The following RSPH14 variants were observed in gnomAD, a reference collection of about 807,000 sequenced individuals.
RSPH14 encodes radial spoke head 14 homolog, also known as rhabdoid tumor deletion region gene 1.
Under a neutral mutation model 26.7 loss-of-function variants are expected in RSPH14, and 20 were observed. The ratio of observed to expected loss-of-function variants is 0.75; its 90% CI spans 0.53 to 1.09. The LOEUF is 1.09. Among genes scored for constraint, RSPH14 ranks in the 50% least tolerant of loss-of-function variants. The probability of loss-of-function intolerance (pLI) is 0.00; values close to 1 mark genes in which losing one functional copy is unlikely to be tolerated. For synonymous variants in RSPH14, 177 were observed against 189.3 expected (o/e 0.93, Z 0.53); for missense variants, 449 against 457.2 (o/e 0.98, Z 0.16).
chr22:23,115,505 G>A (rs1209718703), intron 4 of RSPH14, among the ~76,000 whole-genome samples: 1 of 152,136 alleles, frequency 6.6e-6, no homozygotes, highest in Non-Finnish European at 1.5e-5. Context: ...AGTGCGTCTG[G>A]CCTCCTGGAG....
intron 4 of RSPH14, among the ~76,000 whole-genome samples, chr22:23,064,348 C>T (rs1405052837): frequency 6.6e-6 from 1 of 152,204 alleles, no homozygotes; most frequent in African/African-American, 2.4e-5. Flanking sequence ...GGGCTAAGGG[C>T]GGAGGCTCAG....
chr22:23,082,908 C>G (rs902674186), intron 4 of RSPH14, among the ~76,000 whole-genome samples: 14 of 152,152 alleles, frequency 9.2e-5, no homozygotes, highest in African/African-American at 3.4e-4. Context: ...CCCCCCAAAC[C>G]TTGCCCCCAG....
chr22:23,141,517 C>T (rs1259596596), intron 1 of RSPH14, among the ~76,000 whole-genome samples: 1 of 152,162 alleles, frequency 6.6e-6, no homozygotes, highest in Non-Finnish European at 1.5e-5. Flanking sequence ...ACAGTACCTC[C>T]TTCCCTGCCT....
At chr22:23,093,557 T>C (rs887772814) in intron 4 of RSPH14, among the ~76,000 whole-genome samples, 49 of 152,258 alleles carry the variant, frequency 3.2e-4, no homozygotes, top group African/African-American at 1.2e-3. Flanking sequence ...AAGGTGACGC[T>C]CACAGCGACA....
intron 4 of RSPH14, among the ~76,000 whole-genome samples, chr22:23,068,963 G>A (rs1351331410): frequency 2.6e-5 from 4 of 152,228 alleles, no homozygotes; most frequent in Admixed American, 1.3e-4. Flanking sequence ...GACACCTCCA[G>A]TGAGCACTAA....
chr22:23,123,531 G>A (rs2070091582), intron 4 of RSPH14: 3 of 720,990 alleles, frequency 4.2e-6, no homozygotes, highest in Admixed American at 2.7e-5. Flanking sequence ...AAAACAGGGG[G>A]CCTAAAGAAT....
chr22:23,142,006 T>C, upstream of RSPH14: 1 of 985,494 alleles, frequency 1.0e-6, no homozygotes, highest in Non-Finnish European at 1.2e-6. Flanking sequence ...ACCTATTCAG[T>C]TGCCAGGCGA....
At chr22:23,166,579 C>T in the RSPH14 span, among the ~76,000 whole-genome samples, 1 of 152,112 alleles carries the variant, frequency 6.6e-6, no homozygotes, top group Non-Finnish European at 1.5e-5. Flanking sequence ...TGATCCCTAT[C>T]CTGGTCTCTT....
intron 4 of RSPH14, among the ~76,000 whole-genome samples, chr22:23,080,043 G>T (rs1159192331): frequency 6.6e-6 from 1 of 152,140 alleles, no homozygotes; most frequent in African/African-American, 2.4e-5. Flanking sequence ...GGAAACTGGG[G>T]AGCCAGGAGC....
At chr22:23,153,555 A>T in the RSPH14 span, 1 of 985,004 alleles carries the variant, frequency 1.0e-6, no homozygotes, top group Admixed American at 6.2e-5. Context: ...CAGTCCCTGC[A>T]TGCCAGGCTT....
At chr22:23,086,405 C>T (rs2068821899) in intron 4 of RSPH14, among the ~76,000 whole-genome samples, 1 of 152,260 alleles carries the variant, frequency 6.6e-6, no homozygotes, top group African/African-American at 2.4e-5. Flanking sequence ...AAGCACTCGG[C>T]CCAGCAGTGG....
chr22:23,144,104 A>C (rs991086742), upstream of RSPH14, among the ~76,000 whole-genome samples: 1 of 150,554 alleles, frequency 6.6e-6, no homozygotes, highest in South Asian at 2.1e-4. Context: ...AAAAAAAAAA[A>C]AAAAAAAAAA....
At chr22:23,169,614 G>T in the RSPH14 span, among the ~76,000 whole-genome samples, 3 of 152,154 alleles carry the variant, frequency 2.0e-5, no homozygotes, top group Non-Finnish European at 4.4e-5. Flanking sequence ...GACTTGGGGA[G>T]GTCACTCTCT....
At chr22:23,111,188 C>T (rs754958973) in intron 4 of RSPH14, among the ~76,000 whole-genome samples, 7 of 152,216 alleles carry the variant, frequency 4.6e-5, no homozygotes, top group African/African-American at 7.2e-5. Context: ...TGGTTTTTGT[C>T]TGTCTGCCCC....
intron 4 of RSPH14, among the ~76,000 whole-genome samples, chr22:23,066,073 T>C (rs1194898838): frequency 6.6e-6 from 1 of 152,188 alleles, no homozygotes; most frequent in Non-Finnish European, 1.5e-5. Context: ...GACGGCCCTC[T>C]TCCAGCTCAC....
At chr22:23,088,803 G>A (rs1190810640) in intron 4 of RSPH14, among the ~76,000 whole-genome samples, 1 of 152,180 alleles carries the variant, frequency 6.6e-6, no homozygotes, top group African/African-American at 2.4e-5. Context: ...GGCATTAGGG[G>A]TGTGGCCTTG....
At chr22:23,152,323 C>A in the RSPH14 span, 1 of 819,782 alleles carries the variant, frequency 1.2e-6, no homozygotes, top group Non-Finnish European at 2.1e-6. Flanking sequence ...AACACAGTGT[C>A]TCAGCAGGGT....
chr22:23,114,657 C>T lies in RSPH14; in HGVS notation c.421+19369G>A, dbSNP rs2069767957. On this transcript the variant is annotated intron_variant, in intron 4 of 6. Coordinates refer to ENST00000216036, the MANE Select transcript of RSPH14 (RefSeq NM_014433.3). ...CTGTCCATGTGTATCCCACATCAGC[C>T]CTCAGCCCCCTCACGAGGGAAGTAT... Among the ~76,000 whole-genome samples, 3 of 152,222 alleles carry T rather than the reference C, an allele frequency of 2.0e-5. No individual in the cohort carries two copies. The South Asian group carries it at 6.2e-4, about 31-fold the overall frequency.
chr22:23,146,469 C>A (rs1403491706), upstream of RSPH14: 1 of 1,367,650 alleles, frequency 7.3e-7, no homozygotes, highest in African/African-American at 1.5e-5. Context: ...ACCTTGGCCT[C>A]CCAAAGTGCT....
Sources: gnomAD v4.1 joint callset for allele counts (sites outside exome capture counted in the v4.1 genomes callset) on GRCh38, gnomAD v4.1.1 for gene constraint, MANE v1.5 for transcripts, NCBI Gene and HGNC (gene_info 2026-07-23, HGNC 2026-07-21) for gene names.